The following MRS2 variants were observed in gnomAD, a reference collection of about 807,000 sequenced individuals.
The protein encoded by MRS2 is magnesium transporter MRS2.
In MRS2, 40 loss-of-function variants were observed where a neutral mutation model predicts 52.6. That is an observed-to-expected ratio of 0.76 (90% confidence interval 0.59 to 0.99). The LOEUF (loss-of-function observed/expected upper bound fraction) is 0.99. MRS2 is among the 50% of genes least tolerant of loss of function. The pLI is 0.00. For missense variants in MRS2, 472 were observed against 532.7 expected, an observed-to-expected ratio of 0.89 and a Z score of 1.12; for synonymous variants, 193 against 195.9, an observed-to-expected ratio of 0.98 and a Z score of 0.13.
At chr6:24,411,197 A>G (rs1166829276) in intron 4 of MRS2, among the ~76,000 whole-genome samples, 1 of 151,900 alleles carries the variant, frequency 6.6e-6, no homozygotes, top group African/African-American at 2.4e-5. Flanking sequence ...TCTCAAAAAA[A>G]AAAAAGAAAA....
At chr6:24,409,431 T>C (rs1294486497) in intron 3 of MRS2, 30 bp from the exon 4 acceptor site, 1 of 1,379,352 alleles carries the variant, frequency 7.2e-7, no homozygotes, top group Non-Finnish European at 1.0e-6. Flanking sequence ...ATGTATTTGG[T>C]TTAGCCCTCT....
Position 24,416,532 on chromosome 6 carries a change from T to A in MRS2, c.836+19T>A. 1 of 1,204,744 alleles carries A rather than the reference T, an allele frequency of 8.3e-7. No individual in the cohort carries two copies. Among genetic ancestry groups the A allele is most frequent in the Non-Finnish European group, 1.2e-6 (1 of 822,312 alleles). 74.6% of individuals were successfully genotyped at this position (1,204,744 alleles called of 1,614,324 possible). A position where few individuals can be genotyped will look rare whatever the true frequency, so the allele number is the denominator to read the frequency against. On this transcript the variant is annotated intron_variant, in intron 7 of 10. Transcript: ENST00000378386. Reference sequence around the variant, plus strand: ...AAGTCTTGTAAGTATATAATTATACTTTGTTATTTATTTCCTTAGAGTAAA... The same window carrying A: ...AAGTCTTGTAAGTATATAATTATACATTGTTATTTATTTCCTTAGAGTAAA...
chr6:24,420,599 TTAAGTGC>T (rs1762013419), intron 9 of MRS2, among the ~76,000 whole-genome samples: 1 of 152,104 alleles, frequency 6.6e-6, no homozygotes, highest in African/African-American at 2.4e-5. Flanking sequence ...ACAAAGTATG[TTAAGTGC>T]TAAGTGCCTC....
intron 5 of MRS2, among the ~76,000 whole-genome samples, chr6:24,413,307 G>A (rs1217855149): frequency 6.6e-6 from 1 of 152,096 alleles, no homozygotes; most frequent in African/African-American, 2.4e-5. Context: ...ATTGGCTGTG[G>A]GGAGAATAGA....
chr6:24,416,704 T>C lies in MRS2; in HGVS notation c.836+191T>C, dbSNP rs1362914411. ...TTCAATGTAATTCTATGAGTATGCATACTGCATACCCAACACTGCTGACAT... is the reference window on the plus strand; with the variant it reads ...TTCAATGTAATTCTATGAGTATGCACACTGCATACCCAACACTGCTGACAT... On this transcript the variant is annotated intron_variant, in intron 7 of 10. Coordinates refer to ENST00000378386, the MANE Select transcript of MRS2 (RefSeq NM_020662.4). 3.3e-5 allele frequency among the ~76,000 whole-genome samples: 5 copies of C among 152,202 alleles called. No individual in the cohort carries two copies. The East Asian group carries it at 7.7e-4, about 23-fold the overall frequency.
rs368774069 is a variant in MRS2 at position 24,407,217 on chromosome 6, C to T, written c.265-1191C>T. 1.1e-3 allele frequency among the ~76,000 whole-genome samples: 161 copies of T among 152,216 alleles called. 1 individual carries two copies. The highest frequency in any genetic ancestry group is 3.7e-3 in the African/African-American group (154 of 41,546). On this transcript the variant is annotated intron_variant, in intron 2 of 10. Transcript: ENST00000378386. ...CGTATATTTATTTTCAAATTTTCTG[C>T]AGTGGGTTTATGTATTTGTGAAATA...
At chr6:24,423,483 C>G (rs1023027823) in intron 10 of MRS2, 101 bp from the exon 11 acceptor site, 1 of 607,014 alleles carries the variant, frequency 1.6e-6, no homozygotes, top group Admixed American at 3.0e-5. Flanking sequence ...ACTGATACTG[C>G]TTATAGTCCT....
At chr6:24,407,497 G>C (rs1255588957) in intron 2 of MRS2, among the ~76,000 whole-genome samples, 1 of 152,170 alleles carries the variant, frequency 6.6e-6, no homozygotes, top group Non-Finnish European at 1.5e-5. Flanking sequence ...GTCGTAGTAA[G>C]TAGTACAGCT....
chr6:24,403,606 A>G (rs911488477), intron 1 of MRS2, among the ~76,000 whole-genome samples: 1 of 152,160 alleles, frequency 6.6e-6, no homozygotes, highest in East Asian at 1.9e-4. Context: ...TGTTTTTGAG[A>G]CAGGGTCTTA....
At chr6:24,414,917 A>G in intron 5 of MRS2, 116 bp from the exon 6 acceptor site, 1 of 890,416 alleles carries the variant, frequency 1.1e-6, no homozygotes, top group Admixed American at 2.7e-5. Flanking sequence ...ATGTTCTGAA[A>G]TGTTACCAGC....
At chr6:24,406,086 CAGAGTG>C (rs1424645084) in intron 2 of MRS2, among the ~76,000 whole-genome samples, 4 of 131,334 alleles carry the variant, frequency 3.0e-5, no homozygotes, top group African/African-American at 1.1e-4. Flanking sequence ...GCCTGGCAGA[CAGAGTG>C]AGACTCCATC....
intron 7 of MRS2, among the ~76,000 whole-genome samples, chr6:24,416,737 A>G (rs1313347548): frequency 6.6e-6 from 1 of 152,214 alleles, no homozygotes; most frequent in Non-Finnish European, 1.5e-5. Flanking sequence ...CATGTGGTGA[A>G]TATAAACACA....
chr6:24,423,356 G>GT (rs144069734), intron 10 of MRS2: 65,335 of 481,814 alleles, frequency 0.14, 5,385 homozygotes, highest in Middle Eastern at 0.15. Context: ...CTGGTATAAG[G>GT]TTTGTCATAA....
At chr6:24,407,618 A>G (rs1003783708) in intron 2 of MRS2, among the ~76,000 whole-genome samples, 6 of 152,174 alleles carry the variant, frequency 3.9e-5, no homozygotes, top group African/African-American at 1.4e-4. Context: ...TTCTGTATCA[A>G]ATCCTCTCTT....
chr6:24,422,993 C>G lies in MRS2; in HGVS notation c.1164C>G (p.Ile388Met), dbSNP rs141780681. ...TTATGTTCATGGGAAGTGGCCTCAT[C>G]TGGAGGCGCCTGCTTTCATTCCTTG... ...TGIMFMGSGLIWRRLLSFLGR... is the reference protein window; with the variant it reads ...TGIMFMGSGLMWRRLLSFLGR... Residue 388 changes from isoleucine to methionine, a missense_variant, in exon 10 of 11, where the codon ATC (isoleucine) becomes ATG (methionine). Coordinates refer to ENST00000378386, the MANE Select transcript of MRS2 (RefSeq NM_020662.4). 2.5e-5 allele frequency: 40 copies of G among 1,613,996 alleles called. 1 individual carries two copies. In the African/African-American group the frequency reaches 2.9e-4, roughly 12 times the overall value.
At chr6:24,418,724 C>T (rs539625127) in intron 9 of MRS2, 146 bp downstream of exon 9, 2 of 595,368 alleles carry the variant, frequency 3.4e-6, no homozygotes, top group African/African-American at 1.9e-5. Flanking sequence ...CATGGCGAAA[C>T]CCTGTCTCTA....
At chr6:24,406,103 T>G (rs145036242) in intron 2 of MRS2, among the ~76,000 whole-genome samples, 2,733 of 68,082 alleles carry the variant, frequency 0.04, 78 homozygotes, top group African/African-American at 0.096. Context: ...AGACTCCATC[T>G]CAAAAAAAAA....
chr6:24,421,842 A>G (rs1461586007), intron 9 of MRS2, among the ~76,000 whole-genome samples: 3 of 152,176 alleles, frequency 2.0e-5, no homozygotes, highest in Non-Finnish European at 4.4e-5. Flanking sequence ...CACAAAGAAA[A>G]TCTTAGATCA....
chr6:24,417,541 C>A (rs1017668935), intron 7 of MRS2, among the ~76,000 whole-genome samples: 2 of 152,190 alleles, frequency 1.3e-5, no homozygotes, highest in African/African-American at 4.8e-5. Flanking sequence ...CCATGTAATA[C>A]AGTGACACCA....
Sources: allele counts gnomAD v4.1 joint callset (sites outside exome capture counted in the v4.1 genomes callset), GRCh38; gene constraint gnomAD v4.1.1; transcripts MANE v1.5; gene names NCBI Gene and HGNC (gene_info 2026-07-23, HGNC 2026-07-21).